HERC2: variants seen among roughly 807,000 people sequenced by gnomAD.
The protein encoded by HERC2 is HECT and RLD domain containing E3 ubiquitin protein ligase 2.
Under a neutral mutation model 537.7 loss-of-function variants are expected in HERC2, and 102 were observed. The ratio of observed to expected loss-of-function variants is 0.19; its 90% CI spans 0.16 to 0.22. HERC2 has a LOEUF of 0.22. Among genes scored for constraint, HERC2 ranks in the 10% least tolerant of loss-of-function variants. The pLI is 1.00. For synonymous variants in HERC2, 2,224 were observed against 2,466.2 expected (o/e 0.90, Z 2.91); for missense variants, 4,236 against 6,198.2 (o/e 0.68, Z 10.63).
At chr15:28,320,715 T>C (rs1006832959) in intron 2 of HERC2, among the ~76,000 whole-genome samples, 3 of 151,564 alleles carry the variant, frequency 2.0e-5, no homozygotes, top group East Asian at 1.9e-4. Context: ...TAAAAGTAGA[T>C]TGGGTGTAAA....
At chr15:28,121,538 G>T in intron 85 of HERC2, 109 bp from the exon 86 acceptor site, 1 of 873,734 alleles carries the variant, frequency 1.1e-6, no homozygotes, top group Non-Finnish European at 1.9e-6. Flanking sequence ...CCTTCTTAAG[G>T]ACAGAAAACT....
rs576264608 is a variant in HERC2, at chr15:28,117,247, A to C, written c.13273-93T>G. 23 of 1,265,448 alleles carry C rather than the reference A, an allele frequency of 1.8e-5. No homozygotes were observed. The East Asian group carries it at 4.4e-4, about 24-fold the overall frequency. 78.4% of individuals were successfully genotyped at this position (1,265,448 alleles called of 1,614,324 possible). Reference sequence around the variant, plus strand: ...CGGCACTGGCGAATGCACGAGGAGGAGGCACCGTGCATGGGCCCCTCCCTG... The same window carrying C: ...CGGCACTGGCGAATGCACGAGGAGGCGGCACCGTGCATGGGCCCCTCCCTG... On this transcript the variant is annotated intron_variant, in intron 86 of 92. Transcript: ENST00000261609.
At chr15:28,192,503 T>C (rs1021635302) in intron 52 of HERC2, among the ~76,000 whole-genome samples, 1 of 152,202 alleles carries the variant, frequency 6.6e-6, no homozygotes, top group Non-Finnish European at 1.5e-5. Context: ...AAAAAGTAAA[T>C]TGTAAAGTGC....
intron 2 of HERC2, among the ~76,000 whole-genome samples, chr15:28,317,037 G>A (rs1390498277): frequency 2.0e-5 from 3 of 152,008 alleles, no homozygotes; most frequent in Admixed American, 6.6e-5. Context: ...AGGATTACAG[G>A]CTGAGCCACC....
At chr15:28,227,871 G>T (rs555349670) in intron 35 of HERC2, among the ~76,000 whole-genome samples, 75 of 152,194 alleles carry the variant, frequency 4.9e-4, no homozygotes, top group African/African-American at 1.8e-3. Flanking sequence ...GCCACAAATG[G>T]TATGATTCCA....
chr15:28,315,436 T>C (rs887343534), intron 2 of HERC2, among the ~76,000 whole-genome samples: 11 of 152,234 alleles, frequency 7.2e-5, no homozygotes, highest in African/African-American at 1.2e-4. Context: ...AAGGAATCTA[T>C]GGGGTCGGAC....
intron 43 of HERC2, among the ~76,000 whole-genome samples, 178 bp downstream of exon 43, chr15:28,212,267 C>A (rs911044513): frequency 6.6e-6 from 1 of 152,160 alleles, no homozygotes; most frequent in African/African-American, 2.4e-5. Context: ...AAAGCTGACT[C>A]GAAAATACTC....
intron 2 of HERC2, among the ~76,000 whole-genome samples, chr15:28,307,604 T>C (rs2076825535): frequency 6.6e-6 from 1 of 152,258 alleles, no homozygotes; most frequent in Admixed American, 6.5e-5. Flanking sequence ...CACTGACCTG[T>C]TGGTCATTCA....
intron 44 of HERC2, among the ~76,000 whole-genome samples, chr15:28,210,049 G>GCA (rs1555427205): frequency 2.3e-5 from 3 of 128,588 alleles, no homozygotes; most frequent in East Asian, 2.5e-4. Context: ...TGCAACCTCC[G>GCA]CCCCCCGGTT....
chr15:28,196,462 T>C lies in HERC2; in HGVS notation c.8119A>G (p.Thr2707Ala), dbSNP rs765214229. The change falls in exon 51 of 93, where the codon ACG (threonine) becomes GCG (alanine). Residue 2707 changes from threonine (T) to alanine (A), a missense_variant and splice_region_variant. Transcript: ENST00000261609. Reference sequence around the variant, plus strand: ...CTAGCAACCATAAAAATAACTCACGTAACCCCAGGATGAATACTGGGTACC... The same window carrying C: ...CTAGCAACCATAAAAATAACTCACGCAACCCCAGGATGAATACTGGGTACC... ...ELVPSIHPGV[T>A]CDGCQMFPIN... The C allele has an allele frequency of 6.2e-7, 1 of 1,609,304 alleles. No homozygotes were observed. Among genetic ancestry groups the C allele is most frequent in the South Asian group, 1.1e-5 (1 of 90,656 alleles).
At position 28,141,366 on chromosome 15, in the gene HERC2, C is replaced by A. The variant is rs1891206773; in HGVS notation, c.12015+66G>T. ...AGATCCTTGCACGTGCTAAGAACCA[C>A]ACAGCACCTTTAGCCACAACTGCCT... On this transcript the variant is annotated intron_variant, in intron 78 of 92. Transcript: ENST00000261609. 4 of 1,439,058 alleles carry A rather than the reference C, an allele frequency of 2.8e-6. No homozygotes were observed. In the East Asian group the frequency reaches 9.1e-5, roughly 33 times the overall value. The allele number at this position is 1,439,058 out of a possible 1,614,324, so 89.1% of individuals were successfully genotyped here.
intron 12 of HERC2, among the ~76,000 whole-genome samples, 191 bp from the exon 13 acceptor site, chr15:28,266,165 G>A (rs1366545120): frequency 1.3e-5 from 2 of 152,098 alleles, no homozygotes; most frequent in Non-Finnish European, 2.9e-5. Flanking sequence ...TTGTTCAGTT[G>A]GAACCCGATG....
intron 16 of HERC2, among the ~76,000 whole-genome samples, chr15:28,259,561 T>G (rs1596339178): frequency 6.6e-6 from 1 of 152,284 alleles, no homozygotes; most frequent in African/African-American, 2.4e-5. Flanking sequence ...TCAGACAAGA[T>G]AGTATAACAC....
chr15:28,255,768 T>C (rs2075238985), intron 19 of HERC2, 104 bp downstream of exon 19: 1 of 1,258,960 alleles, frequency 7.9e-7, no homozygotes, highest in Non-Finnish European at 1.1e-6. Context: ...TTGGATATGA[T>C]AAAAGTTTAG....
intron 19 of HERC2, among the ~76,000 whole-genome samples, chr15:28,254,853 T>G (rs1402247964): frequency 1.3e-5 from 2 of 152,234 alleles, no homozygotes; most frequent in Non-Finnish European, 2.9e-5. Context: ...AGCTGCTTTG[T>G]AAGGACAAGA....
chr15:28,289,187 C>A (rs1462557334), intron 4 of HERC2, among the ~76,000 whole-genome samples: 1 of 151,932 alleles, frequency 6.6e-6, no homozygotes, highest in Non-Finnish European at 1.5e-5. Context: ...AGAAGCAAGA[C>A]CTAATTATAT....
chr15:28,195,190 G>C (rs1260295982), intron 52 of HERC2, among the ~76,000 whole-genome samples: 1 of 152,150 alleles, frequency 6.6e-6, no homozygotes, highest in Non-Finnish European at 1.5e-5. Flanking sequence ...GTCAAAAATA[G>C]ATGTTATAAT....
chr15:28,174,548 G>C lies in HERC2; in HGVS notation c.9904C>G (p.Leu3302Val). The C allele has an allele frequency of 1.2e-6, 2 of 1,613,988 alleles. No homozygotes were observed. Among genetic ancestry groups the C allele is most frequent in the East Asian group, 4.5e-5 (2 of 44,896 alleles). The change falls in exon 65 of 93, where the codon CTC becomes GTC. Residue 3302 changes from leucine to valine, a missense_variant. Physicochemically the swap from Leu to Val is conservative, Grantham distance 32 (BLOSUM62 1). Around this residue, in one of 27 missense-constraint regions of HERC2, gnomAD observed 93 missense variants for 265.1 expected, o/e 0.35. Coordinates refer to ENST00000261609, the MANE Select transcript of HERC2 (RefSeq NM_004667.6). ...GTTTVNRKPT[L>V]VQGLEGQKIT... ...TTCTGGCCTTCTAAGCCTTGCACGA[G>C]TGTGGGCTTCCTGTTAACCGTGGTC... is the stretch of plus-strand genomic sequence containing the variant.
intron 14 of HERC2, among the ~76,000 whole-genome samples, chr15:28,263,626 G>C (rs898083710): frequency 9.9e-5 from 15 of 152,110 alleles, no homozygotes; most frequent in Admixed American, 9.8e-4. Context: ...TATGTAAGTT[G>C]ATTAAATATT....
Sources: allele counts gnomAD v4.1 joint callset (sites outside exome capture counted in the v4.1 genomes callset), GRCh38; gene constraint gnomAD v4.1.1; regional missense constraint gnomAD v4.1.1; transcripts MANE v1.5; gene names NCBI Gene and HGNC (gene_info 2026-07-23, HGNC 2026-07-21).